Variants in TNRC6A observed in about 807,000 individuals in gnomAD.
The protein encoded by TNRC6A is trinucleotide repeat-containing gene 6A protein.
A neutral mutation model predicts 221.2 loss-of-function variants in TNRC6A; 44 were observed. That is an observed-to-expected ratio of 0.20 (90% confidence interval 0.16 to 0.26). The LOEUF (loss-of-function observed/expected upper bound fraction) is 0.26. Ranked by LOEUF, TNRC6A falls within the 10% of genes least tolerant of loss-of-function variation. TNRC6A has a pLI of 1.00. For synonymous variants in TNRC6A, 847 were observed against 838.5 expected (o/e 1.01, Z -0.18); for missense variants, 2,199 against 2,404.4 (o/e 0.91, Z 1.79).
chr16:24,730,354 T>G, intron 2 of TNRC6A, 54 bp downstream of exon 2: 4 of 1,585,750 alleles, frequency 2.5e-6, no homozygotes, highest in Admixed American at 1.8e-5. Context: ...ATATTTCTAC[T>G]CCGATTCGCC....
At chr16:24,618,143 A>T (rs577897209) in intron 1 of TNRC6A, among the ~76,000 whole-genome samples, 1 of 151,070 alleles carries the variant, frequency 6.6e-6, no homozygotes, top group East Asian at 2.0e-4. Flanking sequence ...TGGGTCTTGA[A>T]CTCTCAGCCT....
intron 2 of TNRC6A, among the ~76,000 whole-genome samples, chr16:24,680,926 AT>A (rs2055521317): frequency 6.6e-6 from 1 of 151,472 alleles, no homozygotes; most frequent in South Asian, 2.1e-4. Context: ...CACTCGGCTA[AT>A]TAAAAAAAAA....
intron 5 of TNRC6A, among the ~76,000 whole-genome samples, chr16:24,786,933 G>A (rs1470428342): frequency 6.6e-6 from 1 of 152,118 alleles, no homozygotes; most frequent in Non-Finnish European, 1.5e-5. Context: ...CCCTCGCCTT[G>A]GCCTCCCAAA....
intron 4 of TNRC6A, among the ~76,000 whole-genome samples, chr16:24,770,039 A>G (rs2057557207): frequency 6.6e-6 from 1 of 152,206 alleles, no homozygotes; most frequent in Non-Finnish European, 1.5e-5. Flanking sequence ...AGAGGAGGGC[A>G]ATCTGGTTGT....
At chr16:24,735,658 A>G (rs932741679) in intron 2 of TNRC6A, among the ~76,000 whole-genome samples, 2 of 152,218 alleles carry the variant, frequency 1.3e-5, no homozygotes. Flanking sequence ...ATAAACATCA[A>G]AAGAATACCA....
intron 2 of TNRC6A, among the ~76,000 whole-genome samples, chr16:24,657,328 A>AC: frequency 6.8e-6 from 1 of 148,096 alleles, no homozygotes; most frequent in Middle Eastern, 3.4e-3. Flanking sequence ...AAAAAAAAAA[A>AC]AAAAAAAAAA....
chr16:24,725,886 G>GC (rs1216847264), upstream of TNRC6A, among the ~76,000 whole-genome samples: 1 of 151,780 alleles, frequency 6.6e-6, no homozygotes, highest in East Asian at 1.9e-4. Context: ...TGTAATCCTA[G>GC]CTGCTGGAGA....
In TNRC6A at chr16:24,815,395, C is replaced by T. The variant is rs763186204; in HGVS notation, c.4831+90C>T. The T allele has an allele frequency of 1.2e-5, 18 of 1,457,234 alleles. 1 individual carries two copies. In the Admixed American group the frequency reaches 1.9e-4, roughly 16 times the overall value. 90.3% of individuals were successfully genotyped at this position (1,457,234 alleles called of 1,614,324 possible). On this transcript the variant is annotated intron_variant, in intron 19 of 24. Coordinates refer to ENST00000395799, the MANE Select transcript of TNRC6A (RefSeq NM_014494.4). ...GACTTACTACTGATGTAGCCCAGAT[C>T]GGCGTGCTTAGACTGACGTGTGCGG...
rs2151862869 is a variant in TNRC6A at position 24,789,756 on chromosome 16, G to C, written c.1114G>C (p.Val372Leu). The C allele has an allele frequency of 6.2e-7, 1 of 1,614,238 alleles. No homozygotes were observed. The highest frequency in any genetic ancestry group is 2.2e-5 in the East Asian group (1 of 44,884). ...NSASNHGAWP[V>L]LENNGLALKG... is the part of the protein sequence containing the mutation. ...AGCTAGCAACCATGGTGCCTGGCCA[G>C]TATTAGAGAACAATGGACTTGCCCT... Residue 372 changes from valine to leucine, a missense_variant, in exon 6 of 25, where the codon GTA becomes CTA. By Grantham distance (32) the Val-to-Leu change is conservative. This residue lies in a region of TNRC6A where 1,405 missense variants were observed against 1,400.2 expected (regional missense o/e 1.00). Coordinates refer to ENST00000395799, the MANE Select transcript of TNRC6A (RefSeq NM_014494.4).
Position 24,624,226 on chromosome 16 carries a change from A to T in TNRC6A, n.276+13742A>T, listed in dbSNP as rs537078784. Among the ~76,000 whole-genome samples, 5 of 152,236 alleles carry T rather than the reference A, an allele frequency of 3.3e-5. No homozygotes were observed. The South Asian group carries it at 1.0e-3, about 32-fold the overall frequency. ...AGAGGAGCAAGAGCACGCAAACCCA[A>T]ATGTGCACGTGGATTCCAAATCTCT... On this transcript the variant is annotated intron_variant and non_coding_transcript_variant, in intron 1 of 2. Coordinates refer to the TNRC6A transcript ENST00000566108.
rs1030374303 is a variant in TNRC6A at position 24,706,018 on chromosome 16, A to G, written n.403-44708A>G. On this transcript the variant is annotated intron_variant and non_coding_transcript_variant, in intron 2 of 2. Transcript: ENST00000566108. ...CAGTAATGTAGTTGGTTACACAATC[A>G]ACAGCACTTCTATGTTTCAGGGAAA... Among the ~76,000 whole-genome samples, 4 of 152,328 alleles carry G rather than the reference A, an allele frequency of 2.6e-5. No homozygotes were observed. In the South Asian group the frequency reaches 8.3e-4, roughly 32 times the overall value.
intron 18 of TNRC6A, among the ~76,000 whole-genome samples, chr16:24,810,720 T>A (rs1272459581): frequency 6.6e-6 from 1 of 152,000 alleles, no homozygotes; most frequent in Non-Finnish European, 1.5e-5. Flanking sequence ...GAAGATGGAA[T>A]AGTAGGTGTG....
At chr16:24,811,777 A>G (rs2058548639) in intron 18 of TNRC6A, among the ~76,000 whole-genome samples, 2 of 152,064 alleles carry the variant, frequency 1.3e-5, no homozygotes, top group African/African-American at 4.8e-5. Flanking sequence ...TTCTAGCTTA[A>G]GCAGCCTCAA....
intron 2 of TNRC6A, among the ~76,000 whole-genome samples, chr16:24,688,450 C>T (rs1225824470): frequency 6.6e-6 from 1 of 152,174 alleles, no homozygotes; most frequent in Non-Finnish European, 1.5e-5. Context: ...TGACCCTCAC[C>T]TCCAGGGAAG....
chr16:24,616,751 G>A (rs1233455391), intron 1 of TNRC6A, among the ~76,000 whole-genome samples: 1 of 152,004 alleles, frequency 6.6e-6, no homozygotes, highest in Non-Finnish European at 1.5e-5. Context: ...TGGTCAACAT[G>A]GCGAAACCCC....
At chr16:24,695,460 C>G (rs778111024) in intron 2 of TNRC6A, among the ~76,000 whole-genome samples, 1 of 152,038 alleles carries the variant, frequency 6.6e-6, no homozygotes. Context: ...AGTACAGTGG[C>G]GCAATCTTGG....
In TNRC6A at chr16:24,806,196, T is replaced by C. The variant is rs1158531899; in HGVS notation, c.4252-10T>C. ...TGATAGTAACAACCTTTTCGCTATC[T>C]TTCCTCTAGCGATTGTTAGCGCAGC... is the stretch of plus-strand genomic sequence containing the variant. On this transcript the variant is annotated splice_polypyrimidine_tract_variant and intron_variant, in intron 15 of 24. Coordinates refer to ENST00000395799, the MANE Select transcript of TNRC6A (RefSeq NM_014494.4). The C allele has an allele frequency of 6.2e-7, 1 of 1,613,700 alleles. No individual in the cohort carries two copies. The highest frequency in any genetic ancestry group is 1.7e-5 in the Admixed American group (1 of 59,918).
At chr16:24,749,024 G>A (rs1390246130) in intron 2 of TNRC6A, among the ~76,000 whole-genome samples, 2 of 152,040 alleles carry the variant, frequency 1.3e-5, no homozygotes, top group African/African-American at 2.4e-5. Flanking sequence ...ACAGGTGCCC[G>A]CCACCACGCC....
chr16:24,799,082 A>G (rs2058279144), intron 11 of TNRC6A, among the ~76,000 whole-genome samples: 1 of 152,200 alleles, frequency 6.6e-6, no homozygotes, highest in South Asian at 2.1e-4. Flanking sequence ...GCTGCCAACC[A>G]CTGGCGAGGT....
Sources: allele counts gnomAD v4.1 joint callset (sites outside exome capture counted in the v4.1 genomes callset), GRCh38; gene constraint gnomAD v4.1.1; regional missense constraint gnomAD v4.1.1; transcripts MANE v1.5; gene names NCBI Gene and HGNC (gene_info 2026-07-23, HGNC 2026-07-21).